STRN4: variants seen among roughly 807,000 people sequenced by gnomAD.
The protein encoded by STRN4 is striatin 4, also known as striatin-4.
Under a neutral mutation model 77.9 loss-of-function variants are expected in STRN4, and 27 were observed. The observed-to-expected ratio is 0.35, with a 90% CI of 0.26 to 0.48. The LOEUF (loss-of-function observed/expected upper bound fraction) is 0.48, where lower values mean the gene tolerates loss of function less well. Among genes scored for constraint, STRN4 ranks in the 20% least tolerant of loss-of-function variants. STRN4 has a pLI of 0.99. For missense variants in STRN4, 798 were observed against 1,049.7 expected, an observed-to-expected ratio of 0.76 and a Z score of 3.31; for synonymous variants, 466 against 443.1, an observed-to-expected ratio of 1.05 and a Z score of -0.65.
chr19:46,728,030 C>G lies in STRN4; in HGVS notation c.1040-23G>C, dbSNP rs188303470. The G allele has an allele frequency of 1.2e-4, 200 of 1,606,782 alleles. No individual in the cohort carries two copies. In the African/African-American group the frequency reaches 2.3e-3, roughly 19 times the overall value. The stretch of plus-strand genomic sequence containing the variant: ...TTTCTGCAGGGTCGAGGCATAGGGC[C>G]GGAGTCACCCAGCAGTTCCAACCCA... On this transcript the variant is annotated intron_variant, in intron 7 of 17. Coordinates refer to ENST00000263280, the MANE Select transcript of STRN4 (RefSeq NM_013403.3).
intron 1 of STRN4, among the ~76,000 whole-genome samples, chr19:46,744,460 C>G (rs772393555): frequency 6.6e-6 from 1 of 152,042 alleles, no homozygotes; most frequent in East Asian, 1.9e-4. Flanking sequence ...CATGGCTCAC[C>G]GCAGCCTCAA....
chr19:46,722,247 C>A lies in STRN4; in HGVS notation c.2000G>T (p.Arg667Leu). The A allele has an allele frequency of 3.7e-6, 6 of 1,614,164 alleles. No homozygotes were observed. Among genetic ancestry groups the A allele is most frequent in the Non-Finnish European group, 5.1e-6 (6 of 1,180,016 alleles). ...DDRGIRFLDN[R>L]TGKPVHSMVA... ...CACAAGGGGCTAGGCCTCACCTGTC[C>A]GATTGTCCAGGAAGCGGATGCCCCT... Residue 667 changes from arginine (R) to leucine (L), a missense_variant, in exon 15 of 18, where the codon CGG (arginine) becomes CTG (leucine). By Grantham distance (102) the Arg-to-Leu change is moderately radical. Coordinates refer to ENST00000263280, the MANE Select transcript of STRN4 (RefSeq NM_013403.3).
Position 46,730,739 on chromosome 19 carries a change from C to T in STRN4, c.872G>A (p.Arg291His), listed in dbSNP as rs145109884. ...CATGGAGGAAGGGCTCACCTTCACA[C>T]GCTGCTTCTTGTGCTGCACGCTGTC... ...ELDSVQHKKQ[R>H]VKLPSKALVP... is the part of the protein sequence containing the mutation. Residue 291 changes from arginine (R) to histidine (H), a missense_variant, in exon 6 of 18, where the codon CGT becomes CAT. Physicochemically the swap from Arg to His is conservative, Grantham distance 29. Transcript: ENST00000263280. 3.1e-6 allele frequency: 5 copies of T among 1,612,056 alleles called. No homozygotes were observed. Among genetic ancestry groups the T allele is most frequent in the East Asian group, 2.2e-5 (1 of 44,886 alleles).
chr19:46,728,479 C>A, intron 7 of STRN4, 139 bp downstream of exon 7: 1 of 1,225,048 alleles, frequency 8.2e-7, no homozygotes, highest in Non-Finnish European at 1.1e-6. Flanking sequence ...CTCCTGCTCT[C>A]CTTGGCTACC....
chr19:46,739,167 G>A, intron 1 of STRN4: 1 of 436,814 alleles, frequency 2.3e-6, no homozygotes. Flanking sequence ...GGCCTCACCT[G>A]GTGGCTGCCT....
chr19:46,727,293 G>A (rs1038049680), intron 9 of STRN4, among the ~76,000 whole-genome samples, 159 bp downstream of exon 9: 5 of 152,204 alleles, frequency 3.3e-5, no homozygotes, highest in Non-Finnish European at 7.3e-5. Flanking sequence ...CAGGCCCTGC[G>A]CCTTGGCGAC....
In STRN4 at chr19:46,730,776, C is replaced by A; in HGVS notation, c.835G>T (p.Asp279Tyr). ...QNCEDEDSDE[D>Y]DELDSVQHKK... ...TGCTGCACGCTGTCCAGCTCATCGT[C>A]CTCGTCGCTGTCTTCGTCCTCGCAG... The change falls in exon 6 of 18, where the codon GAC becomes TAC. Residue 279 changes from aspartate to tyrosine, a missense_variant. Transcript: ENST00000263280. The A allele has an allele frequency of 6.2e-7, 1 of 1,613,056 alleles. No homozygotes were observed. Among genetic ancestry groups the A allele is most frequent in the South Asian group, 1.1e-5 (1 of 91,080 alleles).
At chr19:46,725,242 G>A in intron 11 of STRN4, 90 bp downstream of exon 11, 1 of 1,575,154 alleles carries the variant, frequency 6.3e-7, no homozygotes. Flanking sequence ...CCTGCCTCCT[G>A]CCGTGGGCCT....
Position 46,723,279 on chromosome 19 carries a change from T to C in STRN4, c.1600A>G (p.Ser534Gly). ...CCCTCCAGGACGTGGCTCAGCACGC[T>C]TGGGTCTGCACCCACCGCAGGGAGG... is the stretch of plus-strand genomic sequence containing the variant. ...SMDPYDGYDP[S>G]VLSHVLEGHG... The change falls in exon 13 of 18, where the codon AGC becomes GGC. Residue 534 changes from serine (S) to glycine (G), a missense_variant. This residue lies in a region of STRN4 where 287 missense variants were observed against 473.8 expected (regional missense o/e 0.61). Transcript: ENST00000263280. The surrounding 1 kb of genome is among the most constrained non-coding windows in gnomAD (Gnocchi z 5.5). The C allele has an allele frequency of 6.5e-7, 1 of 1,544,734 alleles. No individual in the cohort carries two copies. Among genetic ancestry groups the C allele is most frequent in the East Asian group, 2.4e-5 (1 of 40,978 alleles).
chr19:46,726,554 C>T (rs1310601256), intron 9 of STRN4, among the ~76,000 whole-genome samples: 2 of 151,034 alleles, frequency 1.3e-5, no homozygotes, highest in Non-Finnish European at 2.9e-5. Context: ...GAGATGAGGG[C>T]ATGGAGACCA....
rs534443852 is a variant in STRN4, at chr19:46,741,058, G to A, written c.283-2170C>T. On this transcript the variant is annotated intron_variant, in intron 1 of 17. Transcript: ENST00000263280. The surrounding 1 kb of genome is among the most constrained non-coding windows in gnomAD (Gnocchi z 4.9). The stretch of plus-strand genomic sequence containing the variant: ...GGGTTTTAAGTACAGAGAGGTAACC[G>A]ATTCGCATGTTATAAAGGCAGCTCC... Among the ~76,000 whole-genome samples, 8 of 152,292 alleles carry A rather than the reference G, an allele frequency of 5.3e-5. No individual in the cohort carries two copies. Among genetic ancestry groups the A allele is most frequent in the South Asian group, 2.1e-4 (1 of 4,826 alleles).
At position 46,738,047 on chromosome 19, in the gene STRN4, G is replaced by T; in HGVS notation, c.460+117C>A. On this transcript the variant is annotated intron_variant, in intron 3 of 17. Coordinates refer to ENST00000263280, the MANE Select transcript of STRN4 (RefSeq NM_013403.3). The surrounding 1 kb of genome is among the most constrained non-coding windows in gnomAD (Gnocchi z 4.5). The stretch of plus-strand genomic sequence containing the variant: ...GATTCCGCCCCTCCCCAGCCCCGGG[G>T]CCGATTCTGCCTTCTAAGGAGCAAA... The T allele has an allele frequency of 9.4e-7, 1 of 1,065,740 alleles. No individual in the cohort carries two copies. The highest frequency in any genetic ancestry group is 1.5e-6 in the Non-Finnish European group (1 of 688,924). The allele number at this position is 1,065,740 out of a possible 1,614,324, so 66.0% of individuals were successfully genotyped here. A position where few individuals can be genotyped will look rare whatever the true frequency, so the allele number is the denominator to read the frequency against.
chr19:46,725,688 T>C (rs764021122), intron 9 of STRN4, 40 bp from the exon 10 acceptor site: 9 of 1,600,494 alleles, frequency 5.6e-6, no homozygotes, highest in Non-Finnish European at 7.7e-6. Context: ...TTCGCATCCA[T>C]CCCAGCAGTC....
chr19:46,733,912 A>T lies in STRN4; in HGVS notation c.540-676T>A, dbSNP rs1394564675. The T allele has an allele frequency of 6.6e-6, 1 of 152,172 alleles. No individual in the cohort carries two copies. Among genetic ancestry groups the T allele is most frequent in the African/African-American group, 2.4e-5 (1 of 41,414 alleles). 9.4% of individuals were successfully genotyped at this position (152,172 alleles called of 1,614,324 possible). On this transcript the variant is annotated intron_variant, in intron 4 of 17. Transcript: ENST00000263280. This position sits in a 1 kb window ranked among gnomAD's most constrained non-coding sequence, Gnocchi z 4.3. The stretch of plus-strand genomic sequence containing the variant: ...AAAAGAAGAAGGAAAAAAGAACAAA[A>T]ATCAATTTGGGGTATCTGTGGCTTC...
intron 14 of STRN4, among the ~76,000 whole-genome samples, chr19:46,722,588 C>G (rs2073085082): frequency 6.6e-6 from 1 of 152,190 alleles, no homozygotes; most frequent in Non-Finnish European, 1.5e-5. Context: ...CAAGAGGGCC[C>G]GACGGGGCGG....
chr19:46,723,061 T>C lies in STRN4; in HGVS notation c.1765+53A>G, dbSNP rs1304019447. 5 of 1,568,520 alleles carry C rather than the reference T, an allele frequency of 3.2e-6. No homozygotes were observed. Among genetic ancestry groups the C allele is most frequent in the Non-Finnish European group, 4.3e-6 (5 of 1,156,270 alleles). The stretch of plus-strand genomic sequence containing the variant: ...GGGGCCTCAGCAGGAACCACTCTGA[T>C]AGCCTCCAGATCCCGCACAGCTCCA... On this transcript the variant is annotated intron_variant, in intron 13 of 17. Transcript: ENST00000263280. The surrounding 1 kb of genome is among the most constrained non-coding windows in gnomAD (Gnocchi z 5.5).
intron 7 of STRN4, chr19:46,728,324 A>C (rs2054169611): frequency 3.4e-6 from 2 of 585,758 alleles, no homozygotes; most frequent in African/African-American, 3.7e-5. Flanking sequence ...CTGGGTCCTC[A>C]TCCTGTTCCC....
chr19:46,733,463 T>A lies in STRN4; in HGVS notation c.540-227A>T. On this transcript the variant is annotated intron_variant, in intron 4 of 17. Coordinates refer to ENST00000263280, the MANE Select transcript of STRN4 (RefSeq NM_013403.3). The surrounding 1 kb of genome is among the most constrained non-coding windows in gnomAD (Gnocchi z 4.3). ...TGTGAGGGTGCTCCCTGCACTGCTGTATGGGGAAGCCGAAGCACAGGGACC... is the reference window on the plus strand; with the variant it reads ...TGTGAGGGTGCTCCCTGCACTGCTGAATGGGGAAGCCGAAGCACAGGGACC... 3.7e-6 allele frequency: 2 copies of A among 534,262 alleles called. No homozygotes were observed. 33.1% of individuals were successfully genotyped at this position (534,262 alleles called of 1,614,324 possible). A position where few individuals can be genotyped will look rare whatever the true frequency, so the allele number is the denominator to read the frequency against.
At chr19:46,726,706 T>A (rs1371857526) in intron 9 of STRN4, among the ~76,000 whole-genome samples, 1 of 151,864 alleles carries the variant, frequency 6.6e-6, no homozygotes, top group Non-Finnish European at 1.5e-5. Context: ...ACGAGCAGAG[T>A]ACCAGGCAAG....
Sources: gnomAD v4.1 joint callset for allele counts (sites outside exome capture counted in the v4.1 genomes callset) on GRCh38, gnomAD v4.1.1 for gene constraint, gnomAD v4.1.1 regional missense constraint, Gnocchi (gnomAD v3.1) non-coding constraint, MANE v1.5 for transcripts, NCBI Gene and HGNC (gene_info 2026-07-23, HGNC 2026-07-21) for gene names.